LGI4: variants seen among roughly 807,000 people sequenced by gnomAD.
LGI4 encodes the protein leucine rich repeat LGI family member 4, also known as leucine-rich repeat LGI family member 4.
LGI4 carries 36 observed loss-of-function variants against 48.3 expected under a neutral mutation model. That is an observed-to-expected ratio of 0.75 (90% CI 0.57 to 0.98). LGI4 has a LOEUF of 0.98. Among genes scored for constraint, LGI4 ranks in the 50% least tolerant of loss-of-function variants. LGI4 has a pLI of 0.00. For missense variants in LGI4, 701 were observed against 732.1 expected, an observed-to-expected ratio of 0.96 and a Z score of 0.49; for synonymous variants, 355 against 331.6, an observed-to-expected ratio of 1.07 and a Z score of -0.77.
At chr19:35,134,183 G>A (rs998339874) in intron 1 of LGI4, 79 bp from the exon 2 acceptor site, 1 of 1,331,880 alleles carries the variant, frequency 7.5e-7, no homozygotes, top group Non-Finnish European at 1.0e-6. Context: ...CTGCCATCCG[G>A]GAGACCCCAG....
rs1338518338 is a variant in LGI4, at chr19:35,125,430, C to A, written c.1377G>T (p.Leu459=). The A allele has an allele frequency of 1.2e-6, 2 of 1,608,610 alleles. No individual in the cohort carries two copies. The highest frequency in any genetic ancestry group is 3.4e-5 in the Admixed American group (2 of 59,098). Reference sequence around the variant, plus strand: ...TGGCCAGCTGGTCCCTGGCGATGAGCAGTGGCTGGAAGACGTGGGCACCGC... The same window carrying A: ...TGGCCAGCTGGTCCCTGGCGATGAGAAGTGGCTGGAAGACGTGGGCACCGC... The part of the protein sequence containing the change: ...PSRGAHVFQP[L]LIARDQLAIL... Residue 459 remains leucine (L), a synonymous_variant, in exon 9 of 9, where the codon CTG becomes CTT. Transcript: ENST00000310123.
chr19:35,128,065 GTC>G (rs1443583035), intron 6 of LGI4, among the ~76,000 whole-genome samples: 4 of 152,188 alleles, frequency 2.6e-5, no homozygotes, highest in Non-Finnish European at 5.9e-5. Flanking sequence ...TCCCAACTTG[GTC>G]TCCTTTCCCA....
chr19:35,130,375 CTGT>C (rs772529525), intron 6 of LGI4, among the ~76,000 whole-genome samples: 5 of 152,084 alleles, frequency 3.3e-5, no homozygotes, highest in South Asian at 4.1e-4. Context: ...ATAATTATTG[CTGT>C]TGTTATTGTA....
chr19:35,133,261 AC>A (rs960311811), intron 3 of LGI4: 95 of 852,088 alleles, frequency 1.1e-4, no homozygotes, highest in Middle Eastern at 5.4e-4. Context: ...CACCATCACC[AC>A]CACTACCCAA....
At position 35,126,696 on chromosome 19, in the gene LGI4, T is replaced by A; in HGVS notation, c.873A>T (p.Ser291=). ...FVLAARLWGG[S]QLWARPSPGL... ...CGGGACTGGGCCGGGCCCACAGCTG[T>A]GAGCCCCCCCACAGGCGGGCAGCCA... is the stretch of plus-strand genomic sequence containing the variant. Residue 291 remains serine (S), a synonymous_variant, in exon 8 of 9, where the codon TCA becomes TCT. Transcript: ENST00000310123. The A allele has an allele frequency of 6.5e-7, 1 of 1,537,462 alleles. No individual in the cohort carries two copies. The highest frequency in any genetic ancestry group is 1.2e-5 in the South Asian group (1 of 84,018).
Position 35,132,193 on chromosome 19 carries a change from G to T in LGI4, c.315-151C>A, listed in dbSNP as rs2065180565. The T allele has an allele frequency of 4.4e-6, 3 of 687,392 alleles. No homozygotes were observed. The Admixed American group carries it at 6.8e-5, about 16-fold the overall frequency. 42.6% of individuals were successfully genotyped at this position (687,392 alleles called of 1,614,324 possible). On this transcript the variant is annotated intron_variant, in intron 3 of 8. Transcript: ENST00000310123. The stretch of plus-strand genomic sequence containing the variant: ...CCTCTCAAAAACCTCTCCTCCCAAA[G>T]TCCCAGCCATCAATTCTAGGAGCCA...
At chr19:35,131,182 A>G (rs1225520131) in intron 6 of LGI4, 1 of 689,942 alleles carries the variant, frequency 1.4e-6, no homozygotes, top group Admixed American at 2.3e-5. Flanking sequence ...AAGATGTATC[A>G]TTGAATTCCC....
chr19:35,131,023 T>C, intron 6 of LGI4: 1 of 576,406 alleles, frequency 1.7e-6, no homozygotes, highest in Non-Finnish European at 3.0e-6. Context: ...GGCGAGTCAA[T>C]GTAAAGGAGG....
rs979737505 is a variant in LGI4 at position 35,133,639 on chromosome 19, G to A, written c.314+54C>T. ...ATCTCCCCCTACTCTGGGAGCCACA[G>A]AAGGGTCCCTCCTTGCCCAGACCCA... On this transcript the variant is annotated intron_variant, in intron 3 of 8. Transcript: ENST00000310123. 6.3e-5 allele frequency: 97 copies of A among 1,539,466 alleles called. 1 individual carries two copies. The highest frequency in any genetic ancestry group is 4.4e-4 in the Middle Eastern group (2 of 4,526).
rs140939374 is a variant in LGI4 at position 35,124,533 on chromosome 19, T to A, written c.*660A>T. The A allele has an allele frequency of 6.6e-6, 1 of 152,256 alleles. No homozygotes were observed. Among genetic ancestry groups the A allele is most frequent in the Admixed American group, 6.5e-5 (1 of 15,288 alleles). 9.4% of individuals were successfully genotyped at this position (152,256 alleles called of 1,614,324 possible). On this transcript the variant is annotated 3_prime_UTR_variant, in exon 9 of 9. Transcript: ENST00000310123. ...GCGGGGAGGGTGCACAGCGCATTTA[T>A]TGAGCTCGGACTCGTCTTGTCCTTG...
intron 3 of LGI4, among the ~76,000 whole-genome samples, chr19:35,132,551 C>G (rs890713958): frequency 2.0e-5 from 3 of 152,144 alleles, no homozygotes; most frequent in Admixed American, 2.0e-4. Flanking sequence ...TTACCATCAT[C>G]AACCCCAAGA....
rs560908751 is a variant in LGI4 at position 35,134,775 on chromosome 19, C to T, written c.-95G>A. 13 of 637,426 alleles carry T rather than the reference C, an allele frequency of 2.0e-5. 1 individual carries two copies. The highest frequency in any genetic ancestry group is 9.9e-5 in the South Asian group (5 of 50,384). 39.5% of individuals were successfully genotyped at this position (637,426 alleles called of 1,614,324 possible). ...CTCCTCCACCAGGCCGCCCTCCATC[C>T]GCCTGCTGGCACGCTCGGCCCTGGC... On this transcript the variant is annotated 5_prime_UTR_variant, in exon 1 of 9. Transcript: ENST00000310123.
At chr19:35,129,652 G>C (rs1231049627) in intron 6 of LGI4, among the ~76,000 whole-genome samples, 1 of 152,192 alleles carries the variant, frequency 6.6e-6, no homozygotes, top group Non-Finnish European at 1.5e-5. Flanking sequence ...ACTGTGGAAG[G>C]CCGCAGGGAC....
chr19:35,126,366 T>C lies in LGI4; in HGVS notation c.1203A>G (p.Thr401=), dbSNP rs1319969. Residue 401 remains threonine (T), a synonymous_variant, in exon 8 of 9, where the codon ACA becomes ACG. Transcript: ENST00000310123. ...HWTGGRFERR[T]DIPEAEDVYA... The stretch of plus-strand genomic sequence containing the variant: ...AGACATCCTCGGCCTCGGGGATGTC[T>C]GTGCGTCTCTCGAAGCGGCCACCGG... 584,599 of 1,610,242 alleles carry C rather than the reference T, an allele frequency of 0.36. 109,251 individuals carry two copies. The highest frequency in any genetic ancestry group is 0.56 in the South Asian group (50,844 of 90,424).
intron 3 of LGI4, 133 bp downstream of exon 3, chr19:35,133,560 C>T: frequency 6.8e-7 from 1 of 1,477,948 alleles, no homozygotes. Flanking sequence ...CCATTTTTAT[C>T]AACACCATCC....
chr19:35,128,066 T>C (rs1450344370), intron 6 of LGI4, among the ~76,000 whole-genome samples: 4 of 152,182 alleles, frequency 2.6e-5, no homozygotes, highest in African/African-American at 7.2e-5. Flanking sequence ...CCCAACTTGG[T>C]CTCCTTTCCC....
chr19:35,127,843 G>T (rs938670110), intron 6 of LGI4, among the ~76,000 whole-genome samples: 8 of 152,238 alleles, frequency 5.3e-5, no homozygotes, highest in African/African-American at 1.9e-4. Context: ...GGCACAGGCA[G>T]TCTGTTATCC....
At chr19:35,131,317 G>T (rs564167586) in intron 6 of LGI4, 69 bp downstream of exon 6, 1 of 1,530,496 alleles carries the variant, frequency 6.5e-7, no homozygotes, top group Non-Finnish European at 8.9e-7. Context: ...GGAGTGAGAC[G>T]AGCCTCTTGG....
chr19:35,126,525 G>A lies in LGI4; in HGVS notation c.1044C>T (p.Asp348=), dbSNP rs1411563743. The change falls in exon 8 of 9, where the codon GAC becomes GAT. Residue 348 remains aspartate (D), a synonymous_variant. Transcript: ENST00000310123. ...KAGSTTLLCR[D]GPGFYPHQSL... The stretch of plus-strand genomic sequence containing the variant: ...TCTGGTGCGGGTAAAAGCCGGGCCC[G>A]TCGCGGCACAGCAGCGTGGTGCTGC... 2.6e-6 allele frequency: 4 copies of A among 1,543,748 alleles called. No homozygotes were observed. The highest frequency in any genetic ancestry group is 3.5e-6 in the Non-Finnish European group (4 of 1,149,462).
Sources: allele counts gnomAD v4.1 joint callset (sites outside exome capture counted in the v4.1 genomes callset), GRCh38; gene constraint gnomAD v4.1.1; transcripts MANE v1.5; gene names NCBI Gene and HGNC (gene_info 2026-07-23, HGNC 2026-07-21).